SLC17A1: variants seen among roughly 807,000 people sequenced by gnomAD.
The protein encoded by SLC17A1 is sodium-dependent phosphate transport protein 1.
Under a neutral mutation model 53.5 loss-of-function variants are expected in SLC17A1, and 51 were observed. The ratio of observed to expected loss-of-function variants is 0.95; its 90% CI spans 0.76 to 1.20. SLC17A1 has a LOEUF of 1.20. Ranked by LOEUF, SLC17A1 falls within the 50% of genes most tolerant of loss-of-function variation. The pLI, the probability that SLC17A1 is intolerant of heterozygous loss-of-function variation, is 0.00. For synonymous variants in SLC17A1, 179 were observed against 198.8 expected (o/e 0.90, Z 0.84); for missense variants, 538 against 568.2 (o/e 0.95, Z 0.54).
At chr6:25,827,266 GTA>G (rs1273558851) in intron 2 of SLC17A1, among the ~76,000 whole-genome samples, 1 of 151,976 alleles carries the variant, frequency 6.6e-6, no homozygotes, top group African/African-American at 2.4e-5. Flanking sequence ...AGAAATACAG[GTA>G]TATGTCTACA....
chr6:25,769,981 C>G, the SLC17A1 span: 13 of 1,118,896 alleles, frequency 1.2e-5, no homozygotes, highest in Non-Finnish European at 1.2e-5. Context: ...AGATAACTGC[C>G]AATTAATTTT....
intron 2 of SLC17A1, among the ~76,000 whole-genome samples, chr6:25,826,848 T>A (rs946641673): frequency 2.6e-5 from 4 of 152,128 alleles, no homozygotes; most frequent in Non-Finnish European, 5.9e-5. Context: ...AGCTAGAAGT[T>A]CCAAGAAAAT....
the SLC17A1 span, among the ~76,000 whole-genome samples, chr6:25,758,807 C>T: frequency 9.9e-5 from 15 of 152,004 alleles, no homozygotes; most frequent in Admixed American, 8.5e-4. Context: ...TAGTTTTGCT[C>T]TGATCTTGGT....
chr6:25,749,188 G>A, the SLC17A1 span, among the ~76,000 whole-genome samples: 1 of 152,192 alleles, frequency 6.6e-6, no homozygotes, highest in East Asian at 1.9e-4. Flanking sequence ...GCGGCTTTCC[G>A]CAGTGCATTG....
intron 10 of SLC17A1, among the ~76,000 whole-genome samples, chr6:25,804,599 A>T (rs1045236261): frequency 3.9e-5 from 6 of 151,952 alleles, no homozygotes; most frequent in African/African-American, 4.8e-5. Flanking sequence ...CAGAATTAAT[A>T]AAAAAAATCA....
At chr6:25,743,981 G>C in the SLC17A1 span, among the ~76,000 whole-genome samples, 5 of 152,266 alleles carry the variant, frequency 3.3e-5, no homozygotes, top group South Asian at 1.0e-3. Flanking sequence ...TCTGGAAAAG[G>C]GTGTCACTAA....
At chr6:25,770,836 T>G in the SLC17A1 span, 3 of 993,070 alleles carry the variant, frequency 3.0e-6, no homozygotes, top group African/African-American at 4.8e-5. Flanking sequence ...ACTCATACCT[T>G]CACTCACTGT....
the SLC17A1 span, among the ~76,000 whole-genome samples, chr6:25,740,907 T>A: frequency 6.6e-6 from 1 of 152,226 alleles, no homozygotes; most frequent in African/African-American, 2.4e-5. Flanking sequence ...TTAAGTGAAA[T>A]AAGACAGGCA....
chr6:25,768,977 C>T, the SLC17A1 span: 10 of 1,613,706 alleles, frequency 6.2e-6, no homozygotes, highest in Non-Finnish European at 8.5e-6. Context: ...ATGCCCTTTT[C>T]CTCTCAGGTT....
the SLC17A1 span, among the ~76,000 whole-genome samples, chr6:25,755,546 A>T: frequency 7.2e-6 from 1 of 139,642 alleles, no homozygotes; most frequent in East Asian, 2.0e-4. Flanking sequence ...GAATCCAAAA[A>T]GAACAGACAC....
At chr6:25,825,853 C>A (rs1764722061) in intron 3 of SLC17A1, among the ~76,000 whole-genome samples, 1 of 152,020 alleles carries the variant, frequency 6.6e-6, no homozygotes, top group South Asian at 2.1e-4. Flanking sequence ...CTTTGCATTT[C>A]AACTTTGGGA....
At chr6:25,757,560 C>G in the SLC17A1 span, among the ~76,000 whole-genome samples, 1,860 of 152,214 alleles carry the variant, frequency 0.012, 25 homozygotes, top group African/African-American at 0.033. Context: ...TGCCCCCCAA[C>G]CCGCTGCTCC....
chr6:25,791,814 C>A (rs374461885), intron 12 of SLC17A1, among the ~76,000 whole-genome samples: 3 of 152,200 alleles, frequency 2.0e-5, no homozygotes, highest in Non-Finnish European at 4.4e-5. Context: ...GTGGCTGTGA[C>A]GATGTCTGAA....
At chr6:25,777,864 G>A in the SLC17A1 span, 7 of 1,369,458 alleles carry the variant, frequency 5.1e-6, no homozygotes, top group Middle Eastern at 1.8e-4. Context: ...CCTCTCCCGG[G>A]TATTGAGACT....
chr6:25,778,132 T>A, downstream of SLC17A1: 1 of 631,264 alleles, frequency 1.6e-6, no homozygotes, highest in Non-Finnish European at 2.7e-6. Flanking sequence ...AAAAATAAAC[T>A]AATTTACATG....
At chr6:25,800,422 G>A (rs900001707) in intron 11 of SLC17A1, among the ~76,000 whole-genome samples, 25 of 152,110 alleles carry the variant, frequency 1.6e-4, no homozygotes, top group Non-Finnish European at 2.6e-4. Flanking sequence ...ATTTGATAGG[G>A]CATTTTCAGT....
the SLC17A1 span, among the ~76,000 whole-genome samples, chr6:25,733,101 A>G: frequency 6.6e-6 from 1 of 152,168 alleles, no homozygotes; most frequent in Non-Finnish European, 1.5e-5. Context: ...GCAGAACTTG[A>G]TGTTTCTGGG....
In SLC17A1 at chr6:25,811,747, G is replaced by C; in HGVS notation, c.921C>G (p.Pro307=). 6.2e-7 allele frequency: 1 copy of C among 1,613,694 alleles called. No individual in the cohort carries two copies. The highest frequency in any genetic ancestry group is 8.5e-7 in the Non-Finnish European group (1 of 1,179,728). ...IKENGFLSSL[P]YLFAWICGNL... ...TACCACAGATCCAGGCAAACAAATA[G>C]GGAAGGGAAGACAAGAACCCATTCT... The change falls in exon 9 of 13, where the codon CCC becomes CCG. Residue 307 remains proline, a synonymous_variant. Coordinates refer to ENST00000244527, the MANE Select transcript of SLC17A1 (RefSeq NM_005074.5).
the SLC17A1 span, among the ~76,000 whole-genome samples, chr6:25,755,089 A>C: frequency 6.9e-6 from 1 of 143,906 alleles, no homozygotes; most frequent in East Asian, 2.6e-4. Context: ...ACACAGAGGA[A>C]GAAAGAGAGA....
Sources: gnomAD v4.1 joint callset for allele counts (sites outside exome capture counted in the v4.1 genomes callset) on GRCh38, gnomAD v4.1.1 for gene constraint, MANE v1.5 for transcripts, NCBI Gene and HGNC (gene_info 2026-07-23, HGNC 2026-07-21) for gene names.